CCNYL1: variants seen among roughly 807,000 people sequenced by gnomAD.
The protein encoded by CCNYL1 is cyclin-Y-like protein 1.
In CCNYL1, 16 loss-of-function variants were observed where a neutral mutation model predicts 44.2. The observed-to-expected ratio is 0.36, with a 90% CI of 0.25 to 0.55. The LOEUF (loss-of-function observed/expected upper bound fraction) is 0.55, where lower values mean the gene tolerates loss of function less well. CCNYL1 is among the 20% of genes least tolerant of loss of function. CCNYL1 has a pLI of 0.85. For missense variants in CCNYL1, 348 were observed against 451.8 expected (o/e 0.77, Z 2.08); for synonymous variants, 159 against 163.2 (o/e 0.97, Z 0.20).
rs986221841 is a variant in CCNYL1 at position 207,755,492 on chromosome 2, T to A, written c.*1794T>A. 6.6e-6 allele frequency: 1 copy of A among 152,238 alleles called. No individual in the cohort carries two copies. Among genetic ancestry groups the A allele is most frequent in the Non-Finnish European group, 1.5e-5 (1 of 68,036 alleles). 9.4% of individuals were successfully genotyped at this position (152,238 alleles called of 1,614,324 possible). A position where few individuals can be genotyped will look rare whatever the true frequency, so the allele number is the denominator to read the frequency against. ...CACTGAACTTTTGGAATACCTTGTA[T>A]CTCCATAAAATGCCCTCTTTTTAAA... On this transcript the variant is annotated 3_prime_UTR_variant, in exon 10 of 10. Coordinates refer to ENST00000295414, the MANE Select transcript of CCNYL1 (RefSeq NM_001330218.2).
chr2:207,722,884 G>A (rs1023417126), intron 1 of CCNYL1, among the ~76,000 whole-genome samples: 3 of 151,886 alleles, frequency 2.0e-5, no homozygotes, highest in African/African-American at 7.3e-5. Context: ...ACTTGAACCC[G>A]GGAGGTGGAG....
intron 3 of CCNYL1, among the ~76,000 whole-genome samples, chr2:207,732,073 G>T (rs1210101595): frequency 6.6e-6 from 1 of 152,160 alleles, no homozygotes; most frequent in Non-Finnish European, 1.5e-5. Flanking sequence ...GCCTTCCAAA[G>T]TGCTGGAATT....
chr2:207,751,202 T>G, intron 9 of CCNYL1, 83 bp downstream of exon 9: 1 of 1,250,226 alleles, frequency 8.0e-7, no homozygotes, highest in Non-Finnish European at 1.1e-6. Flanking sequence ...AAGTAGTGAT[T>G]AGGAAAATGG....
intron 1 of CCNYL1, among the ~76,000 whole-genome samples, chr2:207,719,302 C>CTTTTTT (rs11412847): frequency 7.5e-6 from 1 of 133,064 alleles, no homozygotes; most frequent in Non-Finnish European, 1.6e-5. Flanking sequence ...ATAGCAATTG[C>CTTTTTT]TTTTTTTTTT....
chr2:207,714,312 CTTT>C (rs60004559), intron 1 of CCNYL1: 26,488 of 298,496 alleles, frequency 0.089, 1,008 homozygotes, highest in African/African-American at 0.23. Context: ...ACTTACATCT[CTTT>C]TTTTTTTTTT....
intron 1 of CCNYL1, among the ~76,000 whole-genome samples, chr2:207,716,978 G>A (rs985473426): frequency 1.3e-5 from 2 of 151,862 alleles, no homozygotes; most frequent in African/African-American, 4.8e-5. Context: ...GCGTGGTGGC[G>A]GGCGCCTGTA....
intron 1 of CCNYL1, among the ~76,000 whole-genome samples, chr2:207,713,949 G>C (rs1239159007): frequency 6.6e-6 from 1 of 152,148 alleles, no homozygotes; most frequent in African/African-American, 2.4e-5. Flanking sequence ...GGGTGGTGTT[G>C]GGTGAGAGCC....
chr2:207,724,025 T>C (rs2091661421), intron 1 of CCNYL1, among the ~76,000 whole-genome samples: 1 of 152,150 alleles, frequency 6.6e-6, no homozygotes, highest in African/African-American at 2.4e-5. Flanking sequence ...AAATATATTA[T>C]CCAACTTTGG....
At chr2:207,722,230 G>T (rs777002178) in intron 1 of CCNYL1, among the ~76,000 whole-genome samples, 18 of 151,722 alleles carry the variant, frequency 1.2e-4, no homozygotes, top group Non-Finnish European at 2.5e-4. Flanking sequence ...ACGCCATCAC[G>T]CCTGGCTGAT....
chr2:207,752,691 G>A (rs2091902509), intron 9 of CCNYL1, among the ~76,000 whole-genome samples: 1 of 152,104 alleles, frequency 6.6e-6, no homozygotes, highest in African/African-American at 2.4e-5. Context: ...ACTTTCTGTG[G>A]TACCTTGGTG....
At chr2:207,725,319 G>A (rs763118451) in intron 2 of CCNYL1, among the ~76,000 whole-genome samples, 18 of 152,084 alleles carry the variant, frequency 1.2e-4, no homozygotes, top group Non-Finnish European at 2.6e-4. Flanking sequence ...TAGAGATGGG[G>A]TTTCACCATG....
chr2:207,716,540 A>T (rs1237039500), intron 1 of CCNYL1, among the ~76,000 whole-genome samples: 1 of 152,154 alleles, frequency 6.6e-6, no homozygotes, highest in African/African-American at 2.4e-5. Flanking sequence ...ACATCCAGAG[A>T]GTGCTCCAAG....
At chr2:207,734,789 T>A (rs1026775724) in intron 4 of CCNYL1, among the ~76,000 whole-genome samples, 3 of 152,104 alleles carry the variant, frequency 2.0e-5, no homozygotes, top group African/African-American at 7.2e-5. Flanking sequence ...TTTTAGTTAA[T>A]TCAATTGTCA....
chr2:207,718,126 G>A (rs1009459965), intron 1 of CCNYL1, among the ~76,000 whole-genome samples: 6 of 151,992 alleles, frequency 3.9e-5, no homozygotes, highest in Non-Finnish European at 4.4e-5. Context: ...GGATGGTCTC[G>A]ATCTCCCAAC....
rs1409514375 is a variant in CCNYL1 at position 207,712,024 on chromosome 2, T to TA, written c.129dup (p.Ala44SerfsTer40). 2 of 1,499,074 alleles carry TA rather than the reference T, an allele frequency of 1.3e-6. No homozygotes were observed. Among genetic ancestry groups the TA allele is most frequent in the Non-Finnish European group, 1.8e-6 (2 of 1,123,532 alleles). The allele number at this position is 1,499,074 out of a possible 1,614,324, so 92.9% of individuals were successfully genotyped here. ...GCGGTGTCCGGGGACGCGGTGGCGG[T>TA]AGCGCCCGCTGTGGTGGAGCCTGCC... is the stretch of plus-strand genomic sequence containing the variant. On this transcript the variant is annotated frameshift_variant, in exon 1 of 10. Coordinates refer to ENST00000295414, the MANE Select transcript of CCNYL1 (RefSeq NM_001330218.2). LOFTEE classifies it high-confidence loss of function.
At chr2:207,722,599 T>C (rs569084867) in intron 1 of CCNYL1, among the ~76,000 whole-genome samples, 2 of 152,234 alleles carry the variant, frequency 1.3e-5, no homozygotes, top group East Asian at 3.9e-4. Context: ...CATTAGTTAT[T>C]TTTTAGATTC....
At chr2:207,719,596 C>T (rs569691648) in intron 1 of CCNYL1, among the ~76,000 whole-genome samples, 8 of 151,984 alleles carry the variant, frequency 5.3e-5, no homozygotes, top group Non-Finnish European at 1.0e-4. Context: ...CTACTGCGCC[C>T]GGCTTATAGC....
intron 1 of CCNYL1, among the ~76,000 whole-genome samples, chr2:207,723,536 C>T (rs1001708639): frequency 6.6e-6 from 1 of 152,076 alleles, no homozygotes; most frequent in African/African-American, 2.4e-5. Context: ...TACTCTGGAT[C>T]TTGGCCCAGT....
At chr2:207,714,100 TAA>T (rs1453258440) in intron 1 of CCNYL1, among the ~76,000 whole-genome samples, 2 of 152,186 alleles carry the variant, frequency 1.3e-5, no homozygotes, top group African/African-American at 4.8e-5. Context: ...AATGACTATG[TAA>T]GACAGCCACT....
Sources: gnomAD v4.1 joint callset for allele counts (sites outside exome capture counted in the v4.1 genomes callset) on GRCh38, gnomAD v4.1.1 for gene constraint, MANE v1.5 for transcripts, NCBI Gene and HGNC (gene_info 2026-07-23, HGNC 2026-07-21) for gene names.